The following IQGAP3 variants were observed in gnomAD, a reference collection of about 807,000 sequenced individuals.
IQGAP3 encodes ras GTPase-activating-like protein IQGAP3.
IQGAP3 carries 165 observed loss-of-function variants against 208.2 expected under a neutral mutation model. The ratio of observed to expected loss-of-function variants is 0.79; its 90% CI spans 0.70 to 0.90. The LOEUF (loss-of-function observed/expected upper bound fraction) is 0.90, where lower values mean the gene tolerates loss of function less well. Ranked by LOEUF, IQGAP3 falls within the 40% of genes least tolerant of loss-of-function variation. The probability of loss-of-function intolerance (pLI) is 0.00; values close to 1 mark genes in which losing one functional copy is unlikely to be tolerated. For synonymous variants in IQGAP3, 703 were observed against 803.6 expected (o/e 0.87, Z 2.12); for missense variants, 1,811 against 2,043.1 (o/e 0.89, Z 2.19).
At chr1:156,556,380 C>T (rs1176685690) in intron 12 of IQGAP3, among the ~76,000 whole-genome samples, 153 bp downstream of exon 12, 4 of 152,200 alleles carry the variant, frequency 2.6e-5, no homozygotes, top group Non-Finnish European at 5.9e-5. Flanking sequence ...TATTAAAATA[C>T]GCTCAGTAAG....
chr1:156,530,189 G>A lies in IQGAP3; in HGVS notation c.4320C>T (p.Val1440=). 1 of 1,612,754 alleles carries A rather than the reference G, an allele frequency of 6.2e-7. No homozygotes were observed. The stretch of plus-strand genomic sequence containing the variant: ...CTTCAAGTCGGCGTAGGTTCCGCAG[G>A]ACGCGCCGCTGCTTCTCTGCCAGTG... ...LLPLAEKQRR[V]LRNLRRLEAL... The change falls in exon 34 of 38, where the codon GTC becomes GTT. Residue 1440 remains valine, a synonymous_variant. Coordinates refer to ENST00000361170, the MANE Select transcript of IQGAP3 (RefSeq NM_178229.5).
chr1:156,525,729 C>CAAAAAAAAAAAAA lies in IQGAP3; in HGVS notation c.*744_*756dup, dbSNP rs10611202. ...GGAAAATGAGAACTCTCTTTGAGCT[C>CAAAAAAAAAAAAA]AAAAAAAAAAAAAAAAAAAAAAAAA... On this transcript the variant is annotated 3_prime_UTR_variant, in exon 38 of 38. Transcript: ENST00000361170. 5 of 80,422 alleles carry CAAAAAAAAAAAAA rather than the reference C, an allele frequency of 6.2e-5. No homozygotes were observed. Among genetic ancestry groups the CAAAAAAAAAAAAA allele is most frequent in the East Asian group, 3.8e-4 (1 of 2,650 alleles). 5.0% of individuals were successfully genotyped at this position (80,422 alleles called of 1,614,324 possible).
chr1:156,528,731 G>GA, intron 35 of IQGAP3, 121 bp from the exon 36 acceptor site: 1 of 1,035,120 alleles, frequency 9.7e-7, no homozygotes, highest in South Asian at 1.6e-5. Flanking sequence ...ATGGAAGACA[G>GA]AGGAGGGGGG....
intron 9 of IQGAP3, among the ~76,000 whole-genome samples, chr1:156,562,279 C>T (rs1676190863): frequency 6.6e-6 from 1 of 152,002 alleles, no homozygotes; most frequent in Admixed American, 6.6e-5. Flanking sequence ...ATCCCCCCAT[C>T]CTCATGTATT....
rs1320200394 is a variant in IQGAP3 at position 156,530,067 on chromosome 1, T to TAC, written c.4404+36_4404+37dup. The TAC allele has an allele frequency of 2.0e-6, 3 of 1,495,146 alleles. No individual in the cohort carries two copies. The African/African-American group carries it at 4.2e-5, about 21-fold the overall frequency. The allele number at this position is 1,495,146 out of a possible 1,614,324, so 92.6% of individuals were successfully genotyped here. On this transcript the variant is annotated intron_variant, in intron 34 of 37. Coordinates refer to ENST00000361170, the MANE Select transcript of IQGAP3 (RefSeq NM_178229.5). Reference sequence around the variant, plus strand: ...GTATATGCACGCACACACACACACGTACACACAGGCACACGGAGCCCAGGC... The same window carrying TAC: ...GTATATGCACGCACACACACACACGTACACACACAGGCACACGGAGCCCAGGC...
At chr1:156,538,758 A>G (rs1674829725) in intron 26 of IQGAP3, 51 bp downstream of exon 26, 1 of 1,512,564 alleles carries the variant, frequency 6.6e-7, no homozygotes, top group South Asian at 1.1e-5. Flanking sequence ...GACACAGCTG[A>G]TCAAGACACA....
Position 156,569,377 on chromosome 1 carries a change from G to A in IQGAP3, c.124C>T (p.Arg42Cys), listed in dbSNP as rs370931618. The change falls in exon 2 of 38, where the codon CGC becomes TGC. Residue 42 changes from arginine to cysteine, a missense_variant and splice_region_variant. Transcript: ENST00000361170. ...QYLCRLEEAKRWMEACLKEEL... is the reference protein window; with the variant it reads ...QYLCRLEEAKCWMEACLKEEL... ...TCCATCTTCCTGGACTCCGCTCACCGCTTGGCCTCCTCCAGCCGGCACAGG... is the reference window on the plus strand; with the variant it reads ...TCCATCTTCCTGGACTCCGCTCACCACTTGGCCTCCTCCAGCCGGCACAGG... 64 of 1,608,556 alleles carry A rather than the reference G, an allele frequency of 4.0e-5. No homozygotes were observed. In the African/African-American group the frequency reaches 4.7e-4, roughly 12 times the overall value.
chr1:156,537,032 C>T lies in IQGAP3; in HGVS notation c.3422+149G>A, dbSNP rs572855245. 4.0e-4 allele frequency: 316 copies of T among 794,906 alleles called. 2 individuals carry two copies. In the South Asian group the frequency reaches 6.0e-3, roughly 15 times the overall value. The allele number at this position is 794,906 out of a possible 1,614,324, so 49.2% of individuals were successfully genotyped here. On this transcript the variant is annotated intron_variant, in intron 27 of 37. Transcript: ENST00000361170. Reference sequence around the variant, plus strand: ...TAGCAGGAGCTTCGAGCATTCCCCACATCTCTTCAGGAACCCCTCTGAGTA... The same window carrying T: ...TAGCAGGAGCTTCGAGCATTCCCCATATCTCTTCAGGAACCCCTCTGAGTA...
At position 156,539,541 on chromosome 1, in the gene IQGAP3, C is replaced by A; in HGVS notation, c.2893-4G>T. 2 of 1,614,016 alleles carry A rather than the reference C, an allele frequency of 1.2e-6. No homozygotes were observed. The highest frequency in any genetic ancestry group is 1.7e-6 in the Non-Finnish European group (2 of 1,179,918). ...TGGCCAGGTAGATGGGCTGAGTCTG[C>A]AAGCAAGAGGGGAGACAGGAATGGC... On this transcript the variant is annotated splice_polypyrimidine_tract_variant and splice_region_variant and intron_variant, in intron 24 of 37. Transcript: ENST00000361170.
intron 22 of IQGAP3, among the ~76,000 whole-genome samples, chr1:156,543,329 T>C (rs933690347): frequency 2.0e-5 from 3 of 152,132 alleles, no homozygotes; most frequent in Non-Finnish European, 4.4e-5. Context: ...AGAGGATTCC[T>C]GAACAGGACA....
chr1:156,534,719 G>T lies in IQGAP3; in HGVS notation c.3522C>A (p.Leu1174=). The change falls in exon 29 of 38, where the codon CTC becomes CTA. Residue 1174 remains leucine (L), a synonymous_variant. Coordinates refer to ENST00000361170, the MANE Select transcript of IQGAP3 (RefSeq NM_178229.5). ...CTGGGTTCAGGAAGCGGTAGTACAG[G>T]AGGTTCCCGACCACCTGAGGGCAAA... ...DSEVYKVVGN[L]LYYRFLNPAV... The T allele has an allele frequency of 6.3e-7, 1 of 1,575,668 alleles. No homozygotes were observed.
intron 9 of IQGAP3, among the ~76,000 whole-genome samples, 160 bp from the exon 10 acceptor site, chr1:156,562,161 G>T (rs1292131426): frequency 6.6e-6 from 1 of 151,794 alleles, no homozygotes; most frequent in East Asian, 1.9e-4. Flanking sequence ...AAATTCTTCA[G>T]CTTGGTCTTC....
Position 156,540,929 on chromosome 1 carries a change from G to A in IQGAP3, c.2531-13C>T. 1 of 1,610,180 alleles carries A rather than the reference G, an allele frequency of 6.2e-7. No homozygotes were observed. The highest frequency in any genetic ancestry group is 8.5e-7 in the Non-Finnish European group (1 of 1,177,170). ...TGGGGTGCATGCACTGGGAGGAAGG[G>A]AGGAGGCATCAGGATTAGCCATGCC... On this transcript the variant is annotated splice_polypyrimidine_tract_variant and intron_variant, in intron 22 of 37. Transcript: ENST00000361170.
chr1:156,529,976 T>A, intron 34 of IQGAP3, 129 bp downstream of exon 34: 1 of 604,482 alleles, frequency 1.7e-6, no homozygotes. Flanking sequence ...TCAGCCTTCC[T>A]CTGGCTGGTG....
intron 11 of IQGAP3, among the ~76,000 whole-genome samples, chr1:156,557,752 G>T (rs1167174837): frequency 1.1e-3 from 1 of 946 alleles, no homozygotes; most frequent in African/African-American, 1.1e-3. Flanking sequence ...GGAGGGAGGT[G>T]GGGGGGTCAG....
intron 1 of IQGAP3, among the ~76,000 whole-genome samples, chr1:156,571,076 C>T (rs1399343237): frequency 2.0e-5 from 3 of 152,200 alleles, no homozygotes; most frequent in East Asian, 3.9e-4. Flanking sequence ...ATAGGTCACC[C>T]GAGGAGGAAA....
chr1:156,533,928 C>G, intron 30 of IQGAP3, 53 bp from the exon 31 acceptor site: 1 of 1,604,452 alleles, frequency 6.2e-7, no homozygotes, highest in Non-Finnish European at 8.5e-7. Context: ...GGTCTTCCCT[C>G]TGGGGCCAGC....
chr1:156,529,522 C>T (rs1489998993), intron 34 of IQGAP3, among the ~76,000 whole-genome samples: 2 of 152,158 alleles, frequency 1.3e-5, no homozygotes, highest in Non-Finnish European at 2.9e-5. Flanking sequence ...GTGATTCACA[C>T]CTGTAATCCC....
Position 156,539,882 on chromosome 1 carries a change from G to A in IQGAP3, c.2848C>T (p.Arg950Trp), listed in dbSNP as rs748398015. The A allele has an allele frequency of 9.9e-6, 16 of 1,614,004 alleles. No homozygotes were observed. Among genetic ancestry groups the A allele is most frequent in the Admixed American group, 1.7e-5 (1 of 59,994 alleles). Reference sequence around the variant, plus strand: ...TGTTGGTATGCTTCTAGTTTCTGCCGTTTCTCTTTGCTCAGCGACTTTAAA... The same window carrying A: ...TGTTGGTATGCTTCTAGTTTCTGCCATTTCTCTTTGCTCAGCGACTTTAAA... ...KGLKSLSKEK[R>W]QKLEAYQHLF... Residue 950 changes from arginine (R) to tryptophan (W), a missense_variant, in exon 24 of 38, where the codon CGG becomes TGG. Arg to Trp is a moderately radical substitution (Grantham distance 101). Coordinates refer to ENST00000361170, the MANE Select transcript of IQGAP3 (RefSeq NM_178229.5).
Sources: gnomAD v4.1 joint callset for allele counts (sites outside exome capture counted in the v4.1 genomes callset) on GRCh38, gnomAD v4.1.1 for gene constraint, MANE v1.5 for transcripts, NCBI Gene and HGNC (gene_info 2026-07-23, HGNC 2026-07-21) for gene names.